Variants in GULP1 observed in about 807,000 individuals in gnomAD.
The protein encoded by GULP1 is GULP PTB domain containing engulfment adaptor 1.
GULP1 carries 19 observed loss-of-function variants against 40.9 expected under a neutral mutation model. The observed-to-expected ratio is 0.46, with a 90% CI of 0.32 to 0.68. GULP1 has a LOEUF of 0.68. Ranked by LOEUF, GULP1 falls within the 30% of genes least tolerant of loss-of-function variation. The pLI is 0.03. For synonymous variants in GULP1, 119 were observed against 117.6 expected, an observed-to-expected ratio of 1.01 and a Z score of -0.08; for missense variants, 312 against 362.2, an observed-to-expected ratio of 0.86 and a Z score of 1.12.
At chr2:188,510,068 A>G (rs1380477648) in intron 4 of GULP1, among the ~76,000 whole-genome samples, 1 of 152,114 alleles carries the variant, frequency 6.6e-6, no homozygotes. Context: ...GGGGTGCTAG[A>G]GCATTTAAAG....
rs554013811 is a variant in GULP1, at chr2:188,433,499, C to T, written c.-44-44160C>T. On this transcript the variant is annotated intron_variant, in intron 2 of 11. Transcript: ENST00000409830. ...ATCAAAATTAGGATCCTGAAAACTTCCCAGGAAAAGAACAAGCTCAGACTA... is the reference window on the plus strand; with the variant it reads ...ATCAAAATTAGGATCCTGAAAACTTTCCAGGAAAAGAACAAGCTCAGACTA... 5.9e-5 allele frequency among the ~76,000 whole-genome samples: 9 copies of T among 152,170 alleles called. No individual in the cohort carries two copies. The South Asian group carries it at 1.9e-3, about 32-fold the overall frequency.
chr2:188,377,321 G>A (rs1450347176), intron 1 of GULP1, among the ~76,000 whole-genome samples: 1 of 152,146 alleles, frequency 6.6e-6, no homozygotes, highest in Non-Finnish European at 1.5e-5. Flanking sequence ...GAGTTTTTAT[G>A]TGTCGGGCTA....
intron 1 of GULP1, among the ~76,000 whole-genome samples, chr2:188,329,307 T>C (rs1244958517): frequency 6.6e-6 from 1 of 152,162 alleles, no homozygotes; most frequent in African/African-American, 2.4e-5. Context: ...AACTGCACTG[T>C]TTGTCTGAAT....
At chr2:188,503,517 A>G (rs929689482) in intron 4 of GULP1, among the ~76,000 whole-genome samples, 5 of 152,018 alleles carry the variant, frequency 3.3e-5, no homozygotes, top group Non-Finnish European at 5.9e-5. Context: ...CCCGTGATCC[A>G]TCACCTCCCA....
chr2:188,307,436 G>A (rs12469904), intron 1 of GULP1, among the ~76,000 whole-genome samples: 88,625 of 147,114 alleles, frequency 0.6, 26,481 homozygotes, highest in East Asian at 0.9. Flanking sequence ...CTCCTTTTTC[G>A]AGATTTTTTT....
intron 1 of GULP1, among the ~76,000 whole-genome samples, chr2:188,367,567 A>T (rs925411290): frequency 6.6e-6 from 1 of 152,170 alleles, no homozygotes; most frequent in Non-Finnish European, 1.5e-5. Flanking sequence ...ATGCCAGTGA[A>T]TGGGATTTAT....
intron 9 of GULP1, among the ~76,000 whole-genome samples, chr2:188,583,631 G>T (rs1268160789): frequency 6.6e-6 from 1 of 151,946 alleles, no homozygotes. Flanking sequence ...CAATGATTTG[G>T]GCAGTACACT....
chr2:188,515,459 C>A (rs951382742), intron 4 of GULP1, among the ~76,000 whole-genome samples: 1 of 152,110 alleles, frequency 6.6e-6, no homozygotes, highest in African/African-American at 2.4e-5. Flanking sequence ...GCACTGTATA[C>A]CCAATTGTTG....
At chr2:188,303,434 G>T (rs1288150779) in intron 1 of GULP1, among the ~76,000 whole-genome samples, 1 of 152,166 alleles carries the variant, frequency 6.6e-6, no homozygotes, top group Non-Finnish European at 1.5e-5. Flanking sequence ...TAATGGGCAG[G>T]TTTGCTGGGA....
rs749465498 is a variant in GULP1 at position 188,477,726 on chromosome 2, G to T, written c.24G>T (p.Lys8Asn). MNRAFSR[K>N]KDKTWMHTPE... Reference sequence around the variant, plus strand: ...TCATGAACCGTGCTTTTAGCAGGAAGAAAGGTAAGTGTGGTCATTTTTTAA... The same window carrying T: ...TCATGAACCGTGCTTTTAGCAGGAATAAAGGTAAGTGTGGTCATTTTTTAA... Residue 8 changes from lysine to asparagine, a missense_variant, in exon 3 of 12, where the codon AAG becomes AAT. Coordinates refer to ENST00000409830, the MANE Select transcript of GULP1 (RefSeq NM_016315.4). The T allele has an allele frequency of 1.2e-6, 2 of 1,601,080 alleles. No individual in the cohort carries two copies. The highest frequency in any genetic ancestry group is 1.7e-6 in the Non-Finnish European group (2 of 1,173,700).
At chr2:188,457,557 A>G (rs926396090) in intron 2 of GULP1, among the ~76,000 whole-genome samples, 2 of 152,182 alleles carry the variant, frequency 1.3e-5, no homozygotes, top group Non-Finnish European at 2.9e-5. Context: ...TCTCTTGTAA[A>G]TTGCCCAGTC....
At chr2:188,343,208 C>A (rs1327793121) in intron 1 of GULP1, among the ~76,000 whole-genome samples, 1 of 151,848 alleles carries the variant, frequency 6.6e-6, no homozygotes, top group African/African-American at 2.4e-5. Context: ...GGAAGGGTGA[C>A]CACAGCCTGT....
At chr2:188,556,002 G>A (rs1424047767) in intron 7 of GULP1, among the ~76,000 whole-genome samples, 2 of 150,772 alleles carry the variant, frequency 1.3e-5, no homozygotes, top group Admixed American at 1.3e-4. Context: ...AGGTTGCAGT[G>A]AGCTAAGATT....
chr2:188,311,861 A>G (rs945843733), intron 1 of GULP1, among the ~76,000 whole-genome samples: 29 of 148,278 alleles, frequency 2.0e-4, no homozygotes, highest in African/African-American at 6.8e-4. Context: ...AGCATTATAT[A>G]TTATAAATAT....
intron 2 of GULP1, among the ~76,000 whole-genome samples, chr2:188,391,894 T>C: frequency 6.6e-6 from 1 of 152,056 alleles, no homozygotes; most frequent in East Asian, 1.9e-4. Context: ...TAATTCTCTT[T>C]AGGTGATGTG....
intron 2 of GULP1, among the ~76,000 whole-genome samples, chr2:188,431,280 A>G (rs1292797922): frequency 6.6e-6 from 1 of 152,118 alleles, no homozygotes; most frequent in Non-Finnish European, 1.5e-5. Context: ...ATAACAACAG[A>G]TGTAGAACTG....
chr2:188,366,840 G>A (rs570190328), intron 1 of GULP1, among the ~76,000 whole-genome samples: 65 of 152,128 alleles, frequency 4.3e-4, no homozygotes, highest in African/African-American at 1.2e-3. Flanking sequence ...TGATCCTCCC[G>A]ACTCGGCCTC....
At chr2:188,299,567 A>G (rs993838935) in intron 1 of GULP1, among the ~76,000 whole-genome samples, 3 of 152,232 alleles carry the variant, frequency 2.0e-5, no homozygotes, top group African/African-American at 7.2e-5. Flanking sequence ...TCTGCAAATA[A>G]AGAGATTCTG....
intron 1 of GULP1, among the ~76,000 whole-genome samples, chr2:188,376,049 A>G (rs1559167065): frequency 2.0e-5 from 3 of 152,248 alleles, no homozygotes; most frequent in Admixed American, 2.0e-4. Context: ...GTTTGATTTC[A>G]GATGCAAACC....
Sources: allele counts gnomAD v4.1 joint callset (sites outside exome capture counted in the v4.1 genomes callset), GRCh38; gene constraint gnomAD v4.1.1; transcripts MANE v1.5; gene names NCBI Gene and HGNC (gene_info 2026-07-23, HGNC 2026-07-21).